Variants in UXS1 observed in about 807,000 individuals in gnomAD.
UXS1 encodes the protein UDP-glucuronate decarboxylase 1.
UXS1 carries 33 observed loss-of-function variants against 62.6 expected under a neutral mutation model. The observed-to-expected ratio is 0.53, with a 90% CI of 0.40 to 0.70. The LOEUF (loss-of-function observed/expected upper bound fraction) is 0.70. UXS1 is among the 30% of genes least tolerant of loss of function. The pLI is 0.00. For missense variants in UXS1, 434 were observed against 556.3 expected, an observed-to-expected ratio of 0.78 and a Z score of 2.21; for synonymous variants, 213 against 206.8, an observed-to-expected ratio of 1.03 and a Z score of -0.26.
intron 8 of UXS1, among the ~76,000 whole-genome samples, chr2:106,123,569 G>T (rs1395232815): frequency 6.6e-6 from 1 of 152,188 alleles, no homozygotes; most frequent in South Asian, 2.1e-4. Context: ...ACAAGTCAAC[G>T]TGGAGGCTCC....
intron 9 of UXS1, among the ~76,000 whole-genome samples, chr2:106,115,224 G>C (rs150997522): frequency 6.6e-6 from 1 of 152,278 alleles, no homozygotes; most frequent in African/African-American, 2.4e-5. Context: ...CTGACCCAAA[G>C]CCACCTTCCT....
In UXS1 at chr2:106,125,630, C is replaced by T. The variant is rs768797760; in HGVS notation, c.627G>A (p.Glu209=). The T allele has an allele frequency of 6.5e-5, 102 of 1,575,896 alleles. No individual in the cohort carries two copies. The highest frequency in any genetic ancestry group is 8.3e-5 in the Non-Finnish European group (96 of 1,160,562). The change falls in exon 8 of 15, where the codon GAG becomes GAA. Residue 209 remains glutamate, a synonymous_variant. Coordinates refer to ENST00000283148, the MANE Select transcript of UXS1 (RefSeq NM_001253875.2). Reference sequence around the variant, plus strand: ...GAGCCTCCTACTCACCTCCATACACCTCCGATGTGGAGGCCAGGAGCAGAC... The same window carrying T: ...GAGCCTCCTACTCACCTCCATACACTTCCGATGTGGAGGCCAGGAGCAGAC... The part of the protein sequence containing the change: ...GARLLLASTS[E]VYGDPEVHPQ...
intron 5 of UXS1, among the ~76,000 whole-genome samples, chr2:106,157,071 T>C (rs1457979441): frequency 6.6e-6 from 1 of 152,066 alleles, no homozygotes; most frequent in Non-Finnish European, 1.5e-5. Flanking sequence ...AACAGATTAG[T>C]GGTTGCCTAG....
chr2:106,188,186 T>A (rs1402629253), intron 1 of UXS1, among the ~76,000 whole-genome samples: 1 of 152,182 alleles, frequency 6.6e-6, no homozygotes, highest in African/African-American at 2.4e-5. Flanking sequence ...TCTCTCCATA[T>A]CCCTCCTCCC....
chr2:106,183,537 T>C (rs889012596), intron 1 of UXS1: 1 of 152,232 alleles, frequency 6.6e-6, no homozygotes, highest in Non-Finnish European at 1.5e-5. Flanking sequence ...AAGAAACTGA[T>C]GGATTAACTC....
At position 106,123,206 on chromosome 2, in the gene UXS1, G is replaced by A. The variant is rs754318715; in HGVS notation, c.638-115C>T. 3 of 1,474,144 alleles carry A rather than the reference G, an allele frequency of 2.0e-6. No individual in the cohort carries two copies. In the South Asian group the frequency reaches 3.9e-5, roughly 19 times the overall value. 91.3% of individuals were successfully genotyped at this position (1,474,144 alleles called of 1,614,324 possible). A position where few individuals can be genotyped will look rare whatever the true frequency, so the allele number is the denominator to read the frequency against. On this transcript the variant is annotated intron_variant, in intron 8 of 14. Coordinates refer to ENST00000283148, the MANE Select transcript of UXS1 (RefSeq NM_001253875.2). Reference sequence around the variant, plus strand: ...GGAAAGACCCATTTAGAGATGGAGAGATGTATTAAAGAGGCAACCTCAGGT... The same window carrying A: ...GGAAAGACCCATTTAGAGATGGAGAAATGTATTAAAGAGGCAACCTCAGGT...
intron 1 of UXS1, among the ~76,000 whole-genome samples, chr2:106,181,358 C>A (rs903739853): frequency 6.6e-6 from 1 of 152,200 alleles, no homozygotes; most frequent in Non-Finnish European, 1.5e-5. Flanking sequence ...CAGGCTCCAG[C>A]GAGCACCACC....
chr2:106,154,470 C>G lies in UXS1; in HGVS notation c.291+3588G>C, dbSNP rs942260013. ...ACTTTAATCCAATACTAAAGGCATG[C>G]AAAGACCCATGTGCTGCTGGAGGCA... On this transcript the variant is annotated intron_variant, in intron 5 of 14. Transcript: ENST00000283148. Among the ~76,000 whole-genome samples the G allele has an allele frequency of 3.3e-5, 5 of 152,126 alleles. No homozygotes were observed. In the East Asian group the frequency reaches 9.6e-4, roughly 29 times the overall value.
intron 10 of UXS1, among the ~76,000 whole-genome samples, chr2:106,108,267 A>G (rs897302317): frequency 6.6e-6 from 1 of 152,224 alleles, no homozygotes; most frequent in African/African-American, 2.4e-5. Flanking sequence ...TGTGTGCGCT[A>G]ATGTGAAAAT....
At chr2:106,148,507 G>T (rs1482322874) in intron 5 of UXS1, among the ~76,000 whole-genome samples, 1 of 152,206 alleles carries the variant, frequency 6.6e-6, no homozygotes, top group Non-Finnish European at 1.5e-5. Context: ...AGATATCAGA[G>T]ATGCAGCGTA....
rs150779642 is a variant in UXS1, at chr2:106,165,124, C to T, written c.123-325G>A. Among the ~76,000 whole-genome samples the T allele has an allele frequency of 5.2e-3, 789 of 152,304 alleles. 12 individuals carry two copies. The highest frequency in any genetic ancestry group is 0.03 in the Admixed American group (466 of 15,288). ...GCGTCTGTAGGAGTATGTGTTTGTG[C>T]CTGCTGGGCTTTCCTGGGGATTTAA... On this transcript the variant is annotated intron_variant, in intron 2 of 14. Transcript: ENST00000283148.
intron 13 of UXS1, 32 bp downstream of exon 13, chr2:106,098,684 A>AT (rs1677327167): frequency 6.3e-7 from 1 of 1,583,144 alleles, no homozygotes; most frequent in African/African-American, 1.3e-5. Context: ...GGCACAGTCG[A>AT]TTTTACTCAG....
intron 1 of UXS1, among the ~76,000 whole-genome samples, chr2:106,181,398 T>C (rs1278317976): frequency 3.3e-5 from 5 of 152,172 alleles, no homozygotes; most frequent in Admixed American, 2.0e-4. Flanking sequence ...CGTTAATGAA[T>C]CTATTTTTAG....
At chr2:106,094,552 G>A (rs186773235) in intron 14 of UXS1, among the ~76,000 whole-genome samples, 4 of 152,268 alleles carry the variant, frequency 2.6e-5, no homozygotes, top group Non-Finnish European at 4.4e-5. Flanking sequence ...TTGGAGTGGC[G>A]GGAAGATGCT....
chr2:106,104,823 C>T lies in UXS1; in HGVS notation c.894G>A (p.Gly298=), dbSNP rs577946679. 9.3e-6 allele frequency: 15 copies of T among 1,613,944 alleles called. No homozygotes were observed. The Admixed American group carries it at 2.5e-4, about 27-fold the overall frequency. The change falls in exon 11 of 15, where the codon GGG becomes GGA. Residue 298 remains glycine (G), a synonymous_variant. Transcript: ENST00000283148. ...CGTACTGGAACGCCCTTGTCTGAGACCCGGATCCGTATACCTGGAAGGAAA... is the reference window on the plus strand; with the variant it reads ...CGTACTGGAACGCCCTTGTCTGAGATCCGGATCCGTATACCTGGAAGGAAA... ...QGEPLTVYGS[G]SQTRAFQYVS...
chr2:106,152,439 G>A (rs1284151762), intron 5 of UXS1, among the ~76,000 whole-genome samples: 2 of 124,778 alleles, frequency 1.6e-5, no homozygotes, highest in African/African-American at 5.9e-5. Flanking sequence ...GTGACAAAGT[G>A]AGGAAAGAAA....
chr2:106,182,693 C>G (rs897133922), intron 1 of UXS1, among the ~76,000 whole-genome samples: 1 of 152,112 alleles, frequency 6.6e-6, no homozygotes, highest in African/African-American at 2.4e-5. Context: ...GCTCATTCTC[C>G]ATGCCTCAGT....
chr2:106,173,600 T>C (rs1054471467), intron 1 of UXS1, among the ~76,000 whole-genome samples: 34 of 152,250 alleles, frequency 2.2e-4, no homozygotes, highest in African/African-American at 7.9e-4. Flanking sequence ...AGAGCCAGAA[T>C]AGCAAATATT....
At chr2:106,118,035 G>A (rs964418668) in intron 9 of UXS1, among the ~76,000 whole-genome samples, 1 of 152,198 alleles carries the variant, frequency 6.6e-6, no homozygotes, top group Non-Finnish European at 1.5e-5. Flanking sequence ...TTGCTCTGCA[G>A]CAGGCCAGGA....
Sources: gnomAD v4.1 joint callset for allele counts (sites outside exome capture counted in the v4.1 genomes callset) on GRCh38, gnomAD v4.1.1 for gene constraint, MANE v1.5 for transcripts, NCBI Gene and HGNC (gene_info 2026-07-23, HGNC 2026-07-21) for gene names.